ECPAS: variants seen among roughly 807,000 people sequenced by gnomAD.
ECPAS encodes the protein proteasome adapter and scaffold protein ECM29.
A neutral mutation model predicts 255.1 loss-of-function variants in ECPAS; 70 were observed. That is an observed-to-expected ratio of 0.27 (90% CI 0.23 to 0.33). The LOEUF is 0.33. Among genes scored for constraint, ECPAS ranks in the 10% least tolerant of loss-of-function variants. The probability of loss-of-function intolerance (pLI) is 1.00; values close to 1 mark genes in which losing one functional copy is unlikely to be tolerated. For synonymous variants in ECPAS, 784 were observed against 775.0 expected (o/e 1.01, Z -0.19); for missense variants, 1,817 against 2,206.4 (o/e 0.82, Z 3.54).
chr9:111,407,403 G>GAAAAAAAAA lies in ECPAS; in HGVS notation c.2652+1159_2652+1167dup, dbSNP rs1161790026. 1.1e-3 allele frequency among the ~76,000 whole-genome samples: 13 copies of GAAAAAAAAA among 12,074 alleles called. 1 individual carries two copies. The highest frequency in any genetic ancestry group is 1.4e-3 in the African/African-American group (5 of 3,502). The allele number at this position is 12,074 out of a possible 152,430, so 7.9% of individuals were successfully genotyped here. On this transcript the variant is annotated intron_variant, in intron 24 of 49. Coordinates refer to ENST00000684092, the MANE Select transcript of ECPAS (RefSeq NM_001364929.1). The stretch of plus-strand genomic sequence containing the variant: ...GGAGACAGAGCAAAACTCCATCTCA[G>GAAAAAAAAA]AAAAAAAAAAAAAAAAAAAAAAAAA...
chr9:111,484,115 C>A lies in ECPAS; in HGVS notation c.-83+1G>T. On this transcript the variant is annotated splice_donor_variant, in intron 1 of 49. Transcript: ENST00000684092. LOFTEE classifies it low-confidence loss of function (5UTR_SPLICE). ...CCGCGGCCCGGGGGCGGGCCTCTGA[C>A]CTGAGTCGGAGCCGGTCTCCATGCC... The A allele has an allele frequency of 6.9e-7, 1 of 1,440,026 alleles. No individual in the cohort carries two copies. The highest frequency in any genetic ancestry group is 9.1e-7 in the Non-Finnish European group (1 of 1,097,686). 89.2% of individuals were successfully genotyped at this position (1,440,026 alleles called of 1,614,324 possible).
At position 111,477,471 on chromosome 9, in the gene ECPAS, T is replaced by C. The variant is rs368486392; in HGVS notation, c.-82-4471A>G. On this transcript the variant is annotated intron_variant, in intron 1 of 49. Transcript: ENST00000684092. ...TTCTGGATACTGCGCCTGGCCCCGA[T>C]TGCCACATTTTATACACTACAGAAG... Among the ~76,000 whole-genome samples, 122 of 152,124 alleles carry C rather than the reference T, an allele frequency of 8.0e-4. 1 individual carries two copies. Among genetic ancestry groups the C allele is most frequent in the African/African-American group, 2.8e-3 (117 of 41,506 alleles).
chr9:111,405,147 T>C (rs752930844), intron 24 of ECPAS, among the ~76,000 whole-genome samples: 2 of 149,700 alleles, frequency 1.3e-5, no homozygotes, highest in Admixed American at 6.6e-5. Context: ...GGCATTGCAT[T>C]ACCTGACTTC....
chr9:111,387,731 A>C (rs1433613458), intron 31 of ECPAS, among the ~76,000 whole-genome samples: 1 of 149,246 alleles, frequency 6.7e-6, no homozygotes. Context: ...TCGTCAGTGC[A>C]GTTATTGAGG....
At chr9:111,475,618 C>A (rs1374234043) in intron 1 of ECPAS, among the ~76,000 whole-genome samples, 1 of 151,982 alleles carries the variant, frequency 6.6e-6, no homozygotes, top group Non-Finnish European at 1.5e-5. Flanking sequence ...GCCTTGTAGT[C>A]CCAGCTACTC....
chr9:111,472,247 CA>C lies in ECPAS; in HGVS notation c.22+649del, dbSNP rs542111051. 1.1e-4 allele frequency among the ~76,000 whole-genome samples: 16 copies of C among 149,854 alleles called. No individual in the cohort carries two copies. In the East Asian group the frequency reaches 1.4e-3, roughly 13 times the overall value. ...TGGGTGACACAGCGAGACCCTGTCT[CA>C]AAAAAAAATTAAAAAATTTAAAAAA... On this transcript the variant is annotated intron_variant, in intron 2 of 49. Coordinates refer to ENST00000684092, the MANE Select transcript of ECPAS (RefSeq NM_001364929.1).
chr9:111,407,330 A>T (rs1031012431), intron 24 of ECPAS, among the ~76,000 whole-genome samples: 1 of 128,028 alleles, frequency 7.8e-6, no homozygotes, highest in Admixed American at 8.9e-5. Context: ...TGAACCCGGG[A>T]GGTGGAGGTT....
chr9:111,397,508 C>T (rs1449482357), intron 24 of ECPAS, among the ~76,000 whole-genome samples: 2 of 152,200 alleles, frequency 1.3e-5, no homozygotes, highest in Non-Finnish European at 2.9e-5. Context: ...CTAGCTATCT[C>T]TCACCACCTA....
intron 35 of ECPAS, 56 bp downstream of exon 35, chr9:111,383,155 A>G: frequency 1.3e-6 from 2 of 1,587,712 alleles, no homozygotes; most frequent in Non-Finnish European, 1.7e-6. Context: ...TGAAAGAAAC[A>G]CAATTTCTAG....
At chr9:111,414,257 G>C (rs569005695) in intron 19 of ECPAS, among the ~76,000 whole-genome samples, 172 bp downstream of exon 19, 1 of 152,022 alleles carries the variant, frequency 6.6e-6, no homozygotes, top group African/African-American at 2.4e-5. Flanking sequence ...ATTTCTTTCC[G>C]AAAAAAGAAG....
At position 111,425,491 on chromosome 9, in the gene ECPAS, G is replaced by C; in HGVS notation, c.1142C>G (p.Pro381Arg). ...QFVHHICITC[P>R]EIKIKPLGPM... ...ACCTAATGGCTTAATCTTGATTTCT[G>C]GACAGCTTTAAATAAAACACACATA... Residue 381 changes from proline (P) to arginine (R), a missense_variant, in exon 12 of 50, where the codon CCA (proline) becomes CGA (arginine). By Grantham distance (103) the Pro-to-Arg change is moderately radical. Transcript: ENST00000684092. 2 of 1,591,410 alleles carry C rather than the reference G, an allele frequency of 1.3e-6. No individual in the cohort carries two copies. The highest frequency in any genetic ancestry group is 1.2e-5 in the South Asian group (1 of 86,324).
chr9:111,413,812 GA>G, intron 20 of ECPAS, 82 bp downstream of exon 20: 1 of 811,752 alleles, frequency 1.2e-6, no homozygotes, highest in East Asian at 2.8e-5. Flanking sequence ...AGGTCATAGG[GA>G]TCCCGCTGGC....
chr9:111,425,593 A>G, intron 11 of ECPAS, 97 bp from the exon 12 acceptor site: 1 of 1,045,640 alleles, frequency 9.6e-7, no homozygotes. Context: ...CATAACCGAA[A>G]TAAGTTAAAT....
chr9:111,388,421 AAAGCTGAACCCTC>A (rs2098153889), intron 31 of ECPAS, among the ~76,000 whole-genome samples: 1 of 150,310 alleles, frequency 6.7e-6, no homozygotes, highest in South Asian at 2.2e-4. Context: ...TTGAGTCTTC[AAAGCTGAACCCTC>A]AAGTACCTAC....
intron 31 of ECPAS, among the ~76,000 whole-genome samples, chr9:111,388,963 T>C (rs1161480163): frequency 6.6e-6 from 1 of 152,228 alleles, no homozygotes; most frequent in African/African-American, 2.4e-5. Context: ...CAGTTACATA[T>C]GCATGTCTAA....
At chr9:111,364,205 A>AT (rs2098117526) in intron 48 of ECPAS, among the ~76,000 whole-genome samples, 1 of 152,242 alleles carries the variant, frequency 6.6e-6, no homozygotes, top group Middle Eastern at 3.4e-3. Context: ...TCATGGTGAA[A>AT]TTGTCTACCA....
Position 111,383,269 on chromosome 9 carries a change from G to A in ECPAS, c.3745C>T (p.Leu1249=). Residue 1249 remains leucine, a synonymous_variant, in exon 35 of 50, where the codon CTG becomes TTG. Coordinates refer to ENST00000684092, the MANE Select transcript of ECPAS (RefSeq NM_001364929.1). ...AAGQRTIAAL[L]PCLLDKGMMS... ...ATTCCTTTGTCCAGAAGGCAAGGCAGAAGGGCAGCGATGGTTCTCTGGCCA... is the reference window on the plus strand; with the variant it reads ...ATTCCTTTGTCCAGAAGGCAAGGCAAAAGGGCAGCGATGGTTCTCTGGCCA... 6.2e-7 allele frequency: 1 copy of A among 1,613,630 alleles called. No individual in the cohort carries two copies. Among genetic ancestry groups the A allele is most frequent in the Middle Eastern group, 1.6e-4 (1 of 6,062 alleles).
Position 111,437,083 on chromosome 9 carries a change from G to A in ECPAS, c.565C>T (p.Arg189Cys), listed in dbSNP as rs751283153. The change falls in exon 7 of 50, where the codon CGC (arginine) becomes TGC (cysteine). Residue 189 changes from arginine to cysteine, a missense_variant. Transcript: ENST00000684092. Reference protein sequence around the residue: ...YGYVLNESQSRQNSSSAQGSS... With the variant: ...YGYVLNESQSCQNSSSAQGSS... Reference sequence around the variant, plus strand: ...CCCTGTGCTGAAGATGAATTTTGGCGACTCTGGGATTCATTTAACACGTAA... The same window carrying A: ...CCCTGTGCTGAAGATGAATTTTGGCAACTCTGGGATTCATTTAACACGTAA... The A allele has an allele frequency of 5.0e-6, 8 of 1,607,930 alleles. No individual in the cohort carries two copies. The highest frequency in any genetic ancestry group is 6.8e-6 in the Non-Finnish European group (8 of 1,178,214).
chr9:111,403,407 A>C (rs762308235), intron 24 of ECPAS, among the ~76,000 whole-genome samples: 2 of 150,498 alleles, frequency 1.3e-5, no homozygotes, highest in Non-Finnish European at 2.9e-5. Context: ...GATTGAAGGT[A>C]AAGGTATGAA....
Sources: gnomAD v4.1 joint callset for allele counts (sites outside exome capture counted in the v4.1 genomes callset) on GRCh38, gnomAD v4.1.1 for gene constraint, MANE v1.5 for transcripts, NCBI Gene and HGNC (gene_info 2026-07-23, HGNC 2026-07-21) for gene names.